The following SMCHD1 variants were observed in gnomAD, a reference collection of about 807,000 sequenced individuals.
SMCHD1 encodes structural maintenance of chromosomes flexible hinge domain containing 1.
In SMCHD1, 78 loss-of-function variants were observed where a neutral mutation model predicts 254.7. The observed-to-expected ratio is 0.31, with a 90% CI of 0.26 to 0.37. The LOEUF (loss-of-function observed/expected upper bound fraction) is 0.37, where lower values mean the gene tolerates loss of function less well. Among genes scored for constraint, SMCHD1 ranks in the 10% least tolerant of loss-of-function variants. The pLI, the probability that SMCHD1 is intolerant of heterozygous loss-of-function variation, is 1.00. For synonymous variants in SMCHD1, 766 were observed against 794.9 expected, an observed-to-expected ratio of 0.96 and a Z score of 0.61; for missense variants, 1,840 against 2,408.1, an observed-to-expected ratio of 0.76 and a Z score of 4.94.
intron 17 of SMCHD1, among the ~76,000 whole-genome samples, chr18:2,712,329 T>C (rs556183724): frequency 6.6e-6 from 1 of 152,208 alleles, no homozygotes; most frequent in African/African-American, 2.4e-5. Flanking sequence ...TCTTTAAGTT[T>C]TTGGAAGAGT....
rs1205101200 is a variant in SMCHD1, at chr18:2,775,898, C to T, written c.5340C>T (p.Tyr1780=). ...AGGTGTTGCCCCTTGATTCTATTTACAAGAAGACTCTTCCAGATTGGAAAA... is the reference window on the plus strand; with the variant it reads ...AGGTGTTGCCCCTTGATTCTATTTATAAGAAGACTCTTCCAGATTGGAAAA... The part of the protein sequence containing the change: ...RQQVLPLDSI[Y]KKTLPDWKRS... The change falls in exon 42 of 48, where the codon TAC becomes TAT. Residue 1780 remains tyrosine, a synonymous_variant. Coordinates refer to ENST00000320876, the MANE Select transcript of SMCHD1 (RefSeq NM_015295.3). The T allele has an allele frequency of 6.3e-7, 1 of 1,598,944 alleles. No individual in the cohort carries two copies.
intron 45 of SMCHD1, among the ~76,000 whole-genome samples, chr18:2,790,316 G>C (rs1458311332): frequency 2.6e-5 from 4 of 152,170 alleles, no homozygotes; most frequent in Non-Finnish European, 5.9e-5. Flanking sequence ...CAAAATAGGT[G>C]AGTGCAGTAC....
intron 32 of SMCHD1, 141 bp downstream of exon 32, chr18:2,750,648 G>A: frequency 1.6e-6 from 1 of 638,264 alleles, no homozygotes; most frequent in Non-Finnish European, 2.5e-6. Context: ...TCATGTTGCA[G>A]ATGTTAAGTC....
In SMCHD1 at chr18:2,770,754, A is replaced by G. The variant is rs147210383; in HGVS notation, c.4966+646A>G. On this transcript the variant is annotated intron_variant, in intron 39 of 47. Coordinates refer to ENST00000320876, the MANE Select transcript of SMCHD1 (RefSeq NM_015295.3). ...TCGTGCCTCAGCCTCCCAAGTAGCT[A>G]GGATTACAGGCACATGCCACCACGC... Among the ~76,000 whole-genome samples, 1,403 of 151,998 alleles carry G rather than the reference A, an allele frequency of 9.2e-3. 11 individuals carry two copies. The highest frequency in any genetic ancestry group is 0.014 in the Non-Finnish European group (966 of 67,940).
chr18:2,662,830 T>C (rs182226516), intron 1 of SMCHD1, among the ~76,000 whole-genome samples: 1 of 152,324 alleles, frequency 6.6e-6, no homozygotes, highest in Admixed American at 6.5e-5. Context: ...TTTATGTTCA[T>C]GGCTTTATTT....
At chr18:2,780,813 G>C (rs1306294715) in intron 44 of SMCHD1, among the ~76,000 whole-genome samples, 1 of 152,212 alleles carries the variant, frequency 6.6e-6, no homozygotes, top group Non-Finnish European at 1.5e-5. Context: ...TCATGACCCA[G>C]TACAAGCTGG....
intron 17 of SMCHD1, among the ~76,000 whole-genome samples, chr18:2,714,720 CTG>C (rs2074759268): frequency 1.3e-5 from 2 of 151,974 alleles, no homozygotes; most frequent in African/African-American, 4.8e-5. Flanking sequence ...ACTCCTTTGA[CTG>C]TTCCTTGTAG....
At chr18:2,704,352 TTAATG>T (rs2074467605) in intron 13 of SMCHD1, among the ~76,000 whole-genome samples, 1 of 152,200 alleles carries the variant, frequency 6.6e-6, no homozygotes, top group African/African-American at 2.4e-5. Flanking sequence ...TTGTTTGTTT[TTAATG>T]TAATGCGTTA....
chr18:2,658,950 A>ACG (rs1298364481), intron 1 of SMCHD1, among the ~76,000 whole-genome samples: 2 of 151,520 alleles, frequency 1.3e-5, no homozygotes, highest in Non-Finnish European at 2.9e-5. Flanking sequence ...ATATATACAC[A>ACG]CACATATATA....
chr18:2,677,453 A>C (rs2073778769), intron 5 of SMCHD1, among the ~76,000 whole-genome samples: 1 of 152,160 alleles, frequency 6.6e-6, no homozygotes, highest in African/African-American at 2.4e-5. Flanking sequence ...ATGGAGATAA[A>C]ATTTACGTAT....
At chr18:2,683,230 CT>C (rs1040524809) in intron 5 of SMCHD1, among the ~76,000 whole-genome samples, 11 of 148,856 alleles carry the variant, frequency 7.4e-5, no homozygotes, top group Non-Finnish European at 1.2e-4. Flanking sequence ...AACTCATTTA[CT>C]TTTTTTTTTC....
At chr18:2,727,013 T>C (rs1456520780) in intron 22 of SMCHD1, 1 of 152,960 alleles carries the variant, frequency 6.5e-6, no homozygotes, top group Non-Finnish European at 1.5e-5. Flanking sequence ...TCAGCCCTTC[T>C]GGGTTAGTAT....
rs1319746297 is a variant in SMCHD1, at chr18:2,802,730, A to G, written c.*178A>G. On this transcript the variant is annotated 3_prime_UTR_variant, in exon 48 of 48. Coordinates refer to ENST00000320876, the MANE Select transcript of SMCHD1 (RefSeq NM_015295.3). ...GGACTGGAAACAACCATTCAATTTT[A>G]TGAATCTTACTGGACATTATGGATT... 1 of 497,112 alleles carries G rather than the reference A, an allele frequency of 2.0e-6. No homozygotes were observed. The highest frequency in any genetic ancestry group is 3.5e-6 in the Non-Finnish European group (1 of 282,262). The allele number at this position is 497,112 out of a possible 1,614,324, so 30.8% of individuals were successfully genotyped here. A position where few individuals can be genotyped will look rare whatever the true frequency, so the allele number is the denominator to read the frequency against.
At chr18:2,676,581 G>A (rs2073754763) in intron 5 of SMCHD1, among the ~76,000 whole-genome samples, 1 of 152,168 alleles carries the variant, frequency 6.6e-6, no homozygotes, top group Non-Finnish European at 1.5e-5. Flanking sequence ...AGAGTAGAGG[G>A]AGATGTGAGA....
chr18:2,663,938 A>G (rs2143789896), intron 1 of SMCHD1, among the ~76,000 whole-genome samples: 1 of 151,974 alleles, frequency 6.6e-6, no homozygotes, highest in East Asian at 1.9e-4. Flanking sequence ...GATGGTCTCG[A>G]TCTCCTGCCC....
At chr18:2,784,255 G>T (rs2076204712) in intron 44 of SMCHD1, among the ~76,000 whole-genome samples, 195 bp from the exon 45 acceptor site, 1 of 152,110 alleles carries the variant, frequency 6.6e-6, no homozygotes, top group Non-Finnish European at 1.5e-5. Context: ...GCTGACATTT[G>T]AAAAGTTGTC....
chr18:2,798,946 C>G (rs1016876606), intron 47 of SMCHD1, among the ~76,000 whole-genome samples: 6 of 152,120 alleles, frequency 3.9e-5, no homozygotes, highest in African/African-American at 9.7e-5. Context: ...GTTACTACAG[C>G]GCTACTGTGG....
In SMCHD1 at chr18:2,685,094, ATTTTTTTCT is replaced by A. The variant is rs1252489960; in HGVS notation, c.639-3292_639-3284del. Among the ~76,000 whole-genome samples the A allele has an allele frequency of 1.6e-4, 13 of 81,880 alleles. 1 individual carries two copies. Among genetic ancestry groups the A allele is most frequent in the East Asian group, 7.7e-4 (2 of 2,582 alleles). The allele number at this position is 81,880 out of a possible 152,430, so 53.7% of individuals were successfully genotyped here. The stretch of plus-strand genomic sequence containing the variant: ...AGCACACTGTTCTGTTCTGTCCCTT[ATTTTTTTCT>A]TTTTTTTTTTTTTTTGAGACGAGTC... On this transcript the variant is annotated intron_variant, in intron 5 of 47. Coordinates refer to ENST00000320876, the MANE Select transcript of SMCHD1 (RefSeq NM_015295.3).
chr18:2,684,069 C>T (rs1280040450), intron 5 of SMCHD1, among the ~76,000 whole-genome samples: 1 of 151,970 alleles, frequency 6.6e-6, no homozygotes, highest in Non-Finnish European at 1.5e-5. Context: ...AGATGCTCAA[C>T]TTGTACTTAA....
Sources: allele counts gnomAD v4.1 joint callset (sites outside exome capture counted in the v4.1 genomes callset), GRCh38; gene constraint gnomAD v4.1.1; transcripts MANE v1.5; gene names NCBI Gene and HGNC (gene_info 2026-07-23, HGNC 2026-07-21).